SPATA13: variants seen among roughly 807,000 people sequenced by gnomAD.
The protein encoded by SPATA13 is spermatogenesis associated 13.
Under a neutral mutation model 104.0 loss-of-function variants are expected in SPATA13, and 50 were observed. The ratio of observed to expected loss-of-function variants is 0.48; its 90% CI spans 0.38 to 0.61. The LOEUF (loss-of-function observed/expected upper bound fraction) is 0.61. SPATA13 is among the 20% of genes least tolerant of loss of function. The pLI is 0.00. For missense variants in SPATA13, 1,524 were observed against 1,690.6 expected, an observed-to-expected ratio of 0.90 and a Z score of 1.73; for synonymous variants, 606 against 667.5, an observed-to-expected ratio of 0.91 and a Z score of 1.42.
intron 1 of SPATA13, among the ~76,000 whole-genome samples, chr13:24,182,345 AGGTTAAATTGGCTCAC>A (rs1868865515): frequency 6.6e-6 from 1 of 152,114 alleles, no homozygotes; most frequent in Non-Finnish European, 1.5e-5. Flanking sequence ...TAAAGAAAAG[AGGTTAAATTGGCTCAC>A]GGTTCTGCAG....
chr13:24,162,851 G>A (rs1487735268), intron 1 of SPATA13, among the ~76,000 whole-genome samples: 1 of 152,196 alleles, frequency 6.6e-6, no homozygotes, highest in African/African-American at 2.4e-5. Context: ...CTTCCCTGCT[G>A]GGTGACCTCT....
intron 2 of SPATA13, among the ~76,000 whole-genome samples, chr13:23,993,416 C>G (rs1345277556): frequency 6.6e-6 from 1 of 152,222 alleles, no homozygotes; most frequent in Non-Finnish European, 1.5e-5. Flanking sequence ...AGTGTACTAC[C>G]CACATCATCA....
intron 3 of SPATA13, among the ~76,000 whole-genome samples, chr13:24,063,069 G>T (rs1878830709): frequency 2.0e-5 from 3 of 152,050 alleles, no homozygotes; most frequent in Admixed American, 2.0e-4. Flanking sequence ...TGGCCTCGGG[G>T]TCACCTGCCT....
intron 3 of SPATA13, among the ~76,000 whole-genome samples, chr13:24,027,922 G>C (rs9553145): frequency 0.78 from 118,594 of 152,144 alleles, 46,847 homozygotes; most frequent in Middle Eastern, 0.85. Flanking sequence ...TCCAGCATCT[G>C]CTTAAACATC....
intron 3 of SPATA13, among the ~76,000 whole-genome samples, chr13:24,059,332 C>CAA (rs142424373): frequency 7.0e-6 from 1 of 143,798 alleles, no homozygotes; most frequent in East Asian, 2.0e-4. Flanking sequence ...GTGAATGTCA[C>CAA]AAAAAAAAAA....
chr13:24,153,610 A>C (rs904557308), intron 3 of SPATA13, among the ~76,000 whole-genome samples: 5 of 152,308 alleles, frequency 3.3e-5, no homozygotes, highest in Admixed American at 2.6e-4. Flanking sequence ...CTGCAAGGAA[A>C]ACTGTAGGTC....
chr13:24,025,569 T>C (rs917741066), intron 3 of SPATA13, among the ~76,000 whole-genome samples: 1 of 152,196 alleles, frequency 6.6e-6, no homozygotes, highest in Non-Finnish European at 1.5e-5. Context: ...TTGTTCCAAT[T>C]TATATGTAAA....
chr13:24,023,509 C>T (rs1269116694), intron 3 of SPATA13, among the ~76,000 whole-genome samples: 1 of 152,152 alleles, frequency 6.6e-6, no homozygotes, highest in Non-Finnish European at 1.5e-5. Flanking sequence ...TATTCCCTGG[C>T]ATTTGTGAAT....
intron 1 of SPATA13, among the ~76,000 whole-genome samples, chr13:24,213,351 C>T (rs981074339): frequency 1.2e-4 from 19 of 152,206 alleles, no homozygotes; most frequent in Middle Eastern, 3.2e-3. Flanking sequence ...ACTGTAACCT[C>T]CACCTCCTGG....
At chr13:24,207,258 T>A (rs1870753955) in intron 1 of SPATA13, among the ~76,000 whole-genome samples, 2 of 152,106 alleles carry the variant, frequency 1.3e-5, no homozygotes. Flanking sequence ...AGAAAGAATA[T>A]CTAATGGATG....
chr13:24,300,357 G>A (rs764190725), intron 11 of SPATA13, 44 bp from the exon 12 acceptor site: 8 of 1,532,352 alleles, frequency 5.2e-6, no homozygotes, highest in Middle Eastern at 1.8e-4. Context: ...TCTGAAACAT[G>A]TCCACGTGTT....
chr13:24,104,321 A>G (rs1880365750), intron 3 of SPATA13, among the ~76,000 whole-genome samples: 1 of 152,072 alleles, frequency 6.6e-6, no homozygotes, highest in African/African-American at 2.4e-5. Flanking sequence ...TCTTAATTTA[A>G]AGGGATCCTG....
At chr13:24,140,850 T>G (rs1881738782) in intron 3 of SPATA13, among the ~76,000 whole-genome samples, 1 of 152,232 alleles carries the variant, frequency 6.6e-6, no homozygotes, top group African/African-American at 2.4e-5. Flanking sequence ...AAAGCTTACC[T>G]GTTTCATATA....
In SPATA13 at chr13:24,160,775, G is replaced by T; in HGVS notation, c.-269G>T. On this transcript the variant is annotated 5_prime_UTR_variant, in exon 1 of 13. Transcript: ENST00000382108. ...GTGCGTTGCGCTTTCTCCCGCGATC[G>T]CCCTGCCGGTCGCTAGCTCCGAGGG... 1 of 985,460 alleles carries T rather than the reference G, an allele frequency of 1.0e-6. No homozygotes were observed. The highest frequency in any genetic ancestry group is 1.2e-6 in the Non-Finnish European group (1 of 829,978). 61.0% of individuals were successfully genotyped at this position (985,460 alleles called of 1,614,324 possible). A position where few individuals can be genotyped will look rare whatever the true frequency, so the allele number is the denominator to read the frequency against.
intron 1 of SPATA13, among the ~76,000 whole-genome samples, chr13:24,202,256 G>T (rs1366060723): frequency 6.6e-6 from 1 of 151,716 alleles, no homozygotes; most frequent in Non-Finnish European, 1.5e-5. Flanking sequence ...AGTGCAAAAG[G>T]ACGTTAAGAA....
intron 1 of SPATA13, among the ~76,000 whole-genome samples, chr13:24,196,031 T>C (rs1455411338): frequency 1.3e-5 from 2 of 152,198 alleles, no homozygotes; most frequent in Non-Finnish European, 2.9e-5. Flanking sequence ...TAACTTGATT[T>C]TTGTGCCTTA....
At position 24,151,932 on chromosome 13, in the gene SPATA13, G is replaced by A. The variant is rs200141542; in HGVS notation, c.-111-70887G>A. ...TGAATTGATATTGCCCAGGATGAGG[G>A]CTGCAAAGGGAGAGAAAGGCATAAA... On this transcript the variant is annotated intron_variant, in intron 3 of 14. Coordinates refer to the SPATA13 transcript ENST00000424834. Among the ~76,000 whole-genome samples, 10 of 152,286 alleles carry A rather than the reference G, an allele frequency of 6.6e-5. 2 individuals are homozygous for A. In the East Asian group the frequency reaches 1.9e-3, roughly 29 times the overall value.
intron 2 of SPATA13, among the ~76,000 whole-genome samples, chr13:24,015,694 C>A (rs1218776405): frequency 6.6e-6 from 1 of 151,816 alleles, no homozygotes; most frequent in Non-Finnish European, 1.5e-5. Flanking sequence ...AGCCAGGACA[C>A]CCCCGGCCTT....
chr13:24,050,726 A>G (rs1566086030), intron 3 of SPATA13, among the ~76,000 whole-genome samples: 1 of 152,198 alleles, frequency 6.6e-6, no homozygotes, highest in African/African-American at 2.4e-5. Context: ...CTCCAAGTGC[A>G]GGCACCATGC....
Sources: gnomAD v4.1 joint callset for allele counts (sites outside exome capture counted in the v4.1 genomes callset) on GRCh38, gnomAD v4.1.1 for gene constraint, MANE v1.5 for transcripts, NCBI Gene and HGNC (gene_info 2026-07-23, HGNC 2026-07-21) for gene names.